Variants in IQSEC1 observed in about 807,000 individuals in gnomAD.
The protein encoded by IQSEC1 is IQ motif and SEC7 domain-containing protein 1.
IQSEC1 carries 31 observed loss-of-function variants against 91.0 expected under a neutral mutation model. The observed-to-expected ratio is 0.34, with a 90% CI of 0.26 to 0.46. IQSEC1 has a LOEUF of 0.46. Ranked by LOEUF, IQSEC1 falls within the 20% of genes least tolerant of loss-of-function variation. IQSEC1 has a pLI of 1.00. For missense variants in IQSEC1, 1,388 were observed against 1,575.6 expected, an observed-to-expected ratio of 0.88 and a Z score of 2.02; for synonymous variants, 699 against 662.6, an observed-to-expected ratio of 1.05 and a Z score of -0.84.
chr3:13,257,119 G>T (rs549438478), intron 1 of IQSEC1, among the ~76,000 whole-genome samples: 1 of 152,140 alleles, frequency 6.6e-6, no homozygotes, highest in Non-Finnish European at 1.5e-5. Flanking sequence ...TGCCAGGCAC[G>T]CAGTGAGGGT....
At chr3:13,099,831 T>C (rs1449781022) in intron 2 of IQSEC1, among the ~76,000 whole-genome samples, 1 of 150,988 alleles carries the variant, frequency 6.6e-6, no homozygotes, top group Non-Finnish European at 1.5e-5. Context: ...AAGGGGGCAG[T>C]TGCACCTCAG....
At chr3:13,196,074 C>T (rs1394850454) in intron 1 of IQSEC1, among the ~76,000 whole-genome samples, 3 of 152,196 alleles carry the variant, frequency 2.0e-5, no homozygotes, top group Non-Finnish European at 4.4e-5. Context: ...CAGCTCCCAT[C>T]TGGTGCTTTT....
intron 13 of IQSEC1, 103 bp downstream of exon 13, chr3:12,902,670 C>CAAAA (rs1213830618): frequency 0.013 from 2,522 of 191,450 alleles, 73 homozygotes; most frequent in South Asian, 0.018. Context: ...AAAAAAAAAC[C>CAAAA]AAAAAAAAAA....
At chr3:13,112,372 A>G (rs1013980583) in intron 2 of IQSEC1, among the ~76,000 whole-genome samples, 8 of 152,190 alleles carry the variant, frequency 5.3e-5, no homozygotes, top group Admixed American at 5.2e-4. Context: ...CTGAAAAGGG[A>G]GGCAAGACTG....
chr3:12,998,167 T>A (rs549342127), intron 1 of IQSEC1, among the ~76,000 whole-genome samples: 1 of 152,092 alleles, frequency 6.6e-6, no homozygotes. Context: ...CTAGGCAACA[T>A]GGCAAAACAC....
intron 2 of IQSEC1, among the ~76,000 whole-genome samples, chr3:13,099,938 G>A (rs1706029620): frequency 1.3e-5 from 2 of 149,820 alleles, no homozygotes; most frequent in South Asian, 4.2e-4. Flanking sequence ...TGGAACAGAG[G>A]GAGGGATGGA....
intron 2 of IQSEC1, among the ~76,000 whole-genome samples, chr3:13,154,020 C>T (rs1298227877): frequency 6.6e-6 from 1 of 152,036 alleles, no homozygotes; most frequent in East Asian, 1.9e-4. Flanking sequence ...CCAAAGCCAA[C>T]GGGATGAAAA....
At chr3:12,939,369 C>T (rs761045640) in intron 2 of IQSEC1, among the ~76,000 whole-genome samples, 4 of 152,218 alleles carry the variant, frequency 2.6e-5, no homozygotes, top group Admixed American at 6.5e-5. Flanking sequence ...AGGGACAGTA[C>T]CTGAAACCCA....
intron 1 of IQSEC1, among the ~76,000 whole-genome samples, chr3:13,172,855 T>A (rs1391302166): frequency 6.6e-6 from 1 of 152,126 alleles, no homozygotes; most frequent in Non-Finnish European, 1.5e-5. Context: ...CCCCTTCACA[T>A]CTGGGCCTCA....
chr3:13,128,736 G>A (rs1231945122), intron 2 of IQSEC1, among the ~76,000 whole-genome samples: 1 of 151,984 alleles, frequency 6.6e-6, no homozygotes, highest in Non-Finnish European at 1.5e-5. Context: ...AAAGAGCCGG[G>A]CGTGGTGGCG....
intron 1 of IQSEC1, among the ~76,000 whole-genome samples, chr3:13,244,169 A>G (rs555868837): frequency 6.6e-6 from 1 of 152,190 alleles, no homozygotes; most frequent in Non-Finnish European, 1.5e-5. Context: ...CAGCTGATTT[A>G]AAAAAGTTGA....
At chr3:13,052,160 G>T (rs1345714818) in intron 1 of IQSEC1, among the ~76,000 whole-genome samples, 1 of 152,136 alleles carries the variant, frequency 6.6e-6, no homozygotes, top group Non-Finnish European at 1.5e-5. Context: ...GCACAGGACC[G>T]TCTCCTCACC....
intron 2 of IQSEC1, among the ~76,000 whole-genome samples, chr3:13,117,149 A>G (rs1476475503): frequency 1.3e-5 from 2 of 151,528 alleles, no homozygotes; most frequent in African/African-American, 4.9e-5. Flanking sequence ...AAGATAAGCA[A>G]CTCGATTAAA....
At chr3:13,039,402 A>C (rs1704167286) in intron 1 of IQSEC1, among the ~76,000 whole-genome samples, 1 of 152,226 alleles carries the variant, frequency 6.6e-6, no homozygotes. Context: ...CTGTGTTTAG[A>C]AGTGGTTAAT....
intron 12 of IQSEC1, among the ~76,000 whole-genome samples, chr3:12,903,151 C>G: frequency 6.6e-6 from 1 of 152,202 alleles, no homozygotes; most frequent in Non-Finnish European, 1.5e-5. Flanking sequence ...TACAGGTGGG[C>G]CTGACGCCCC....
chr3:12,969,991 GGCCAATTTTTCT>G (rs1700816456), intron 1 of IQSEC1, among the ~76,000 whole-genome samples: 1 of 152,198 alleles, frequency 6.6e-6, no homozygotes, highest in Non-Finnish European at 1.5e-5. Context: ...AGGCAGAGAA[GGCCAATTTTTCT>G]GCAGAAATGA....
At chr3:13,016,161 C>T (rs909545703) in intron 1 of IQSEC1, among the ~76,000 whole-genome samples, 2 of 152,224 alleles carry the variant, frequency 1.3e-5, no homozygotes, top group Admixed American at 6.5e-5. Context: ...CCCCACATCC[C>T]CCACAGGGGT....
intron 3 of IQSEC1, among the ~76,000 whole-genome samples, chr3:12,929,870 T>C (rs925830707): frequency 1.3e-5 from 2 of 152,244 alleles, no homozygotes; most frequent in African/African-American, 2.4e-5. Context: ...TGCTGTGTGC[T>C]CCCAGGTCTG....
intron 1 of IQSEC1, among the ~76,000 whole-genome samples, chr3:13,226,925 T>G (rs9849960): frequency 0.19 from 28,782 of 151,968 alleles, 3,936 homozygotes; most frequent in African/African-American, 0.37. Context: ...CTGGAAAAGC[T>G]TCTCCGCACA....
Sources: gnomAD v4.1 joint callset for allele counts (sites outside exome capture counted in the v4.1 genomes callset) on GRCh38, gnomAD v4.1.1 for gene constraint, MANE v1.5 for transcripts, NCBI Gene and HGNC (gene_info 2026-07-23, HGNC 2026-07-21) for gene names.